The following PTPRN2 variants were observed in gnomAD, a reference collection of about 807,000 sequenced individuals.
PTPRN2 encodes protein tyrosine phosphatase receptor type N2.
In PTPRN2, 74 loss-of-function variants were observed where a neutral mutation model predicts 118.8. That is an observed-to-expected ratio of 0.62 (90% CI 0.52 to 0.76). The LOEUF (loss-of-function observed/expected upper bound fraction) is 0.76. Among genes scored for constraint, PTPRN2 ranks in the 30% least tolerant of loss-of-function variants. The pLI, the probability that PTPRN2 is intolerant of heterozygous loss-of-function variation, is 0.00. For synonymous variants in PTPRN2, 641 were observed against 608.0 expected, an observed-to-expected ratio of 1.05 and a Z score of -0.80; for missense variants, 1,481 against 1,394.4, an observed-to-expected ratio of 1.06 and a Z score of -0.99.
intron 3 of PTPRN2, among the ~76,000 whole-genome samples, chr7:158,272,045 ACGGT>A (rs1481150584): frequency 6.6e-6 from 1 of 152,210 alleles, no homozygotes; most frequent in Non-Finnish European, 1.5e-5. Context: ...CCATCAAAAG[ACGGT>A]CAGGTTGTTC....
chr7:158,575,620 C>A (rs1294517121), intron 1 of PTPRN2, among the ~76,000 whole-genome samples: 1 of 152,200 alleles, frequency 6.6e-6, no homozygotes, highest in Non-Finnish European at 1.5e-5. Flanking sequence ...CCCACCTCAG[C>A]CTCCCAAAGT....
At chr7:158,148,938 C>G (rs1820532596) in intron 6 of PTPRN2, among the ~76,000 whole-genome samples, 1 of 110,700 alleles carries the variant, frequency 9.0e-6, no homozygotes. Context: ...CAATGACACC[C>G]CATCTCACGC....
At chr7:157,704,819 A>G (rs1396281002) in intron 12 of PTPRN2, among the ~76,000 whole-genome samples, 1 of 152,242 alleles carries the variant, frequency 6.6e-6, no homozygotes, top group Non-Finnish European at 1.5e-5. Context: ...ACATATACTA[A>G]ATATTTAAAG....
In PTPRN2 at chr7:157,974,442, G is replaced by T. The variant is rs1802581325; in HGVS notation, c.1724-75705C>A. On this transcript the variant is annotated intron_variant, in intron 11 of 22. Transcript: ENST00000389418. This position sits in a 1 kb window ranked among gnomAD's most constrained non-coding sequence, Gnocchi z 4.0. ...GGGGCTGCCCTACTGTGGAGTTAGT[G>T]GGTCCACTTCGAGAAGACAGAGACA... 6.6e-6 allele frequency among the ~76,000 whole-genome samples: 1 copy of T among 152,184 alleles called. No homozygotes were observed. The highest frequency in any genetic ancestry group is 6.5e-5 in the Admixed American group (1 of 15,284).
chr7:158,129,103 CACACACA>C (rs1484579612), intron 9 of PTPRN2, among the ~76,000 whole-genome samples: 1 of 149,872 alleles, frequency 6.7e-6, no homozygotes, highest in Non-Finnish European at 1.5e-5. Context: ...CACTACACAC[CACACACA>C]ACACATAAAC....
At chr7:158,300,965 T>C (rs906800179) in intron 3 of PTPRN2, among the ~76,000 whole-genome samples, 2 of 152,220 alleles carry the variant, frequency 1.3e-5, no homozygotes, top group Non-Finnish European at 2.9e-5. Flanking sequence ...AACTATGTAG[T>C]TGTTCAGATT....
chr7:157,598,506 G>C lies in PTPRN2; in HGVS notation c.2419-3191C>G, dbSNP rs967556148. On this transcript the variant is annotated intron_variant, in intron 16 of 22. Coordinates refer to ENST00000389418, the MANE Select transcript of PTPRN2 (RefSeq NM_002847.5). This position sits in a 1 kb window ranked among gnomAD's most constrained non-coding sequence, Gnocchi z 5.2. ...GAGGAGCTTGGACGTCGGCGTCTCC[G>C]GGCCTCAGTCTCCATATCTGTATGG... Among the ~76,000 whole-genome samples the C allele has an allele frequency of 1.4e-4, 20 of 147,284 alleles. No individual in the cohort carries two copies. Among genetic ancestry groups the C allele is most frequent in the African/African-American group, 5.2e-4 (20 of 38,114 alleles).
chr7:158,571,413 G>T (rs1404978744), intron 1 of PTPRN2, among the ~76,000 whole-genome samples: 1 of 151,422 alleles, frequency 6.6e-6, no homozygotes, highest in Non-Finnish European at 1.5e-5. Context: ...GGGAGGCAGA[G>T]GTTGCAGTGA....
chr7:158,172,941 C>CTATTGGGGG (rs1389857105), intron 5 of PTPRN2, among the ~76,000 whole-genome samples: 2 of 151,590 alleles, frequency 1.3e-5, no homozygotes, highest in South Asian at 2.1e-4. Context: ...TCATCACTTC[C>CTATTGGGGG]ACCATCAACA....
intron 12 of PTPRN2, among the ~76,000 whole-genome samples, chr7:157,704,074 G>T (rs1278189490): frequency 2.0e-5 from 3 of 152,276 alleles, no homozygotes; most frequent in African/African-American, 7.2e-5. Flanking sequence ...GTCTGATGCT[G>T]TGAGTTAGAA....
chr7:157,542,150 C>T (rs913798307), intron 22 of PTPRN2, among the ~76,000 whole-genome samples: 1 of 152,162 alleles, frequency 6.6e-6, no homozygotes, highest in South Asian at 2.1e-4. Flanking sequence ...TCAGGTCGGG[C>T]TGTGCCGGGA....
intron 2 of PTPRN2, among the ~76,000 whole-genome samples, chr7:158,447,247 A>T (rs953002715): frequency 6.6e-6 from 1 of 152,062 alleles, no homozygotes; most frequent in Non-Finnish European, 1.5e-5. Flanking sequence ...TGCAGCCTCC[A>T]CCGTTAAGCA....
intron 3 of PTPRN2, among the ~76,000 whole-genome samples, chr7:158,267,047 G>T (rs764034907): frequency 2.1e-4 from 32 of 152,212 alleles, no homozygotes; most frequent in Non-Finnish European, 3.1e-4. Context: ...CATCTGCAGC[G>T]TCGTCTCCAG....
At position 158,396,243 on chromosome 7, in the gene PTPRN2, T is replaced by TCA. The variant is rs535492697; in HGVS notation, c.164-79313_164-79312dup. 6.2e-4 allele frequency among the ~76,000 whole-genome samples: 94 copies of TCA among 152,208 alleles called. No homozygotes were observed. The East Asian group carries it at 0.015, about 24-fold the overall frequency. ...ATTGTCAAAGGCCTTTTGAGCATTT[T>TCA]CACACACACACACAAAGAAGCCGTT... is the stretch of plus-strand genomic sequence containing the variant. On this transcript the variant is annotated intron_variant, in intron 2 of 22. Transcript: ENST00000389418.
At chr7:157,718,617 C>T (rs1401159798) in intron 12 of PTPRN2, among the ~76,000 whole-genome samples, 2 of 151,834 alleles carry the variant, frequency 1.3e-5, no homozygotes, top group Admixed American at 1.3e-4. Flanking sequence ...GGTGACACTG[C>T]AGCCTCTCTC....
intron 2 of PTPRN2, among the ~76,000 whole-genome samples, chr7:158,328,953 G>C (rs936408453): frequency 4.6e-5 from 7 of 151,636 alleles, no homozygotes; most frequent in African/African-American, 1.7e-4. Flanking sequence ...AGCTTCCCTT[G>C]TGAGTGTGAG....
intron 2 of PTPRN2, among the ~76,000 whole-genome samples, chr7:158,328,901 G>C (rs1375511189): frequency 2.1e-5 from 3 of 141,080 alleles, no homozygotes; most frequent in African/African-American, 8.0e-5. Context: ...TCGCCACCCA[G>C]GGATCCCAGT....
chr7:158,373,388 C>T (rs1057296524), intron 2 of PTPRN2, among the ~76,000 whole-genome samples: 12 of 152,198 alleles, frequency 7.9e-5, no homozygotes, highest in Non-Finnish European at 1.5e-5. Flanking sequence ...AATTTCATAG[C>T]GTTAGCTGCA....
At chr7:158,220,121 A>T (rs2150789517) in intron 3 of PTPRN2, among the ~76,000 whole-genome samples, 1 of 152,280 alleles carries the variant, frequency 6.6e-6, no homozygotes, top group South Asian at 2.1e-4. Context: ...TCATGTTAAA[A>T]ACCTTCAACA....
Sources: gnomAD v4.1 joint callset for allele counts (sites outside exome capture counted in the v4.1 genomes callset) on GRCh38, gnomAD v4.1.1 for gene constraint, Gnocchi (gnomAD v3.1) non-coding constraint, MANE v1.5 for transcripts, NCBI Gene and HGNC (gene_info 2026-07-23, HGNC 2026-07-21) for gene names.